The following ACSBG1 variants were observed in gnomAD, a reference collection of about 807,000 sequenced individuals.
ACSBG1 encodes the protein acyl-CoA synthetase bubblegum family member 1.
A neutral mutation model predicts 80.2 loss-of-function variants in ACSBG1; 39 were observed. The ratio of observed to expected loss-of-function variants is 0.49; its 90% confidence interval spans 0.38 to 0.64. The LOEUF (loss-of-function observed/expected upper bound fraction) is 0.64, where lower values mean the gene tolerates loss of function less well. ACSBG1 is among the 30% of genes least tolerant of loss of function. The pLI, the probability that ACSBG1 is intolerant of heterozygous loss-of-function variation, is 0.00. For synonymous variants in ACSBG1, 392 were observed against 379.5 expected (o/e 1.03, Z -0.38); for missense variants, 828 against 966.4 (o/e 0.86, Z 1.90).
intron 11 of ACSBG1, among the ~76,000 whole-genome samples, chr15:78,176,884 C>CG (rs2074887779): frequency 6.6e-6 from 1 of 151,898 alleles, no homozygotes. Context: ...TCCGAGATCA[C>CG]GCCAGTGCAC....
rs1238348953 is a variant in ACSBG1 at position 78,226,795 on chromosome 15, T to C, written c.131+7576A>G. On this transcript the variant is annotated intron_variant, in intron 1 of 13. Coordinates refer to ENST00000258873, the MANE Select transcript of ACSBG1 (RefSeq NM_015162.5). ...TAGAACACATAGAAAAATATATATA[T>C]ATATATAATATATATATATGACCTT... Among the ~76,000 whole-genome samples the C allele has an allele frequency of 2.1e-5, 3 of 144,014 alleles. No individual in the cohort carries two copies. In the East Asian group the frequency reaches 5.9e-4, roughly 28 times the overall value. The allele number at this position is 144,014 out of a possible 152,430, so 94.5% of individuals were successfully genotyped here.
At chr15:78,207,925 A>ACCCCCCCCCCCCCCCCC in intron 2 of ACSBG1, 77 bp downstream of exon 2, 35 of 454,966 alleles carry the variant, frequency 7.7e-5, no homozygotes, top group Middle Eastern at 5.9e-4. Context: ...GGTCCCCCAC[A>ACCCCCCCCCCCCCCCCC]CCACCCACCC....
At chr15:78,212,701 G>C in intron 1 of ACSBG1, 1 of 424,116 alleles carries the variant, frequency 2.4e-6, no homozygotes, top group Non-Finnish European at 4.8e-6. Flanking sequence ...AGCAGCCCCA[G>C]AGAGGCCCGG....
intron 2 of ACSBG1, among the ~76,000 whole-genome samples, chr15:78,206,580 C>T (rs2075216953): frequency 6.6e-6 from 1 of 152,330 alleles, no homozygotes; most frequent in East Asian, 1.9e-4. Context: ...ACCTCCCTTA[C>T]AGTTGCCCAC....
intron 1 of ACSBG1, among the ~76,000 whole-genome samples, chr15:78,211,442 T>C (rs1189093606): frequency 6.6e-6 from 1 of 152,240 alleles, no homozygotes; most frequent in Admixed American, 6.5e-5. Context: ...GCATTTTGAA[T>C]TCCCAGGAGG....
chr15:78,220,847 C>T (rs2075354317), intron 1 of ACSBG1, among the ~76,000 whole-genome samples: 1 of 152,114 alleles, frequency 6.6e-6, no homozygotes, highest in African/African-American at 2.4e-5. Context: ...AATTAGAAAC[C>T]TCCTATACTG....
intron 5 of ACSBG1, among the ~76,000 whole-genome samples, chr15:78,185,899 T>C (rs573802007): frequency 6.6e-6 from 1 of 151,868 alleles, no homozygotes; most frequent in South Asian, 2.1e-4. Context: ...AACCCATAAA[T>C]CTAAATCAGA....
intron 1 of ACSBG1, among the ~76,000 whole-genome samples, chr15:78,221,721 T>A (rs972666487): frequency 6.6e-6 from 1 of 152,146 alleles, no homozygotes; most frequent in Admixed American, 6.5e-5. Flanking sequence ...CAGGCTTTCT[T>A]GGGCAGAGGT....
Position 78,193,593 on chromosome 15 carries a change from G to A in ACSBG1, c.576C>T (p.Ser192=). ...AAGCGATGTACTGGCAGGCCTCTGG[G>A]GAGCTGGTGGTGTAGATGCCAGTGA... ...GIVTGIYTTS[S]PEACQYIAYD... Residue 192 remains serine (S), a synonymous_variant, in exon 5 of 14, where the codon TCC becomes TCT. Transcript: ENST00000258873. 1.2e-6 allele frequency: 2 copies of A among 1,613,882 alleles called. No individual in the cohort carries two copies. The highest frequency in any genetic ancestry group is 1.7e-6 in the Non-Finnish European group (2 of 1,179,840).
intron 1 of ACSBG1, chr15:78,226,315 T>A (rs1035887018): frequency 6.6e-6 from 1 of 152,158 alleles, no homozygotes; most frequent in Non-Finnish European, 1.5e-5. Context: ...GGGTAGATGA[T>A]TACACAAGAA....
At chr15:78,181,221 C>T (rs1413156854) in intron 8 of ACSBG1, 3 of 413,622 alleles carry the variant, frequency 7.3e-6, no homozygotes, top group African/African-American at 4.0e-5. Flanking sequence ...CACAAGAATC[C>T]CATTCCCCTC....
chr15:78,174,326 C>G, intron 12 of ACSBG1, 59 bp downstream of exon 12: 1 of 1,612,068 alleles, frequency 6.2e-7, no homozygotes, highest in Non-Finnish European at 8.5e-7. Context: ...CTTCTGCCAG[C>G]CAGACCCACA....
intron 1 of ACSBG1, among the ~76,000 whole-genome samples, chr15:78,209,577 A>G (rs1416865312): frequency 6.6e-6 from 1 of 152,164 alleles, no homozygotes; most frequent in Non-Finnish European, 1.5e-5. Flanking sequence ...AGCTGCCTCC[A>G]CTTTGGGCCG....
chr15:78,200,092 C>T (rs2075153074), intron 2 of ACSBG1, among the ~76,000 whole-genome samples: 1 of 152,138 alleles, frequency 6.6e-6, no homozygotes, highest in African/African-American at 2.4e-5. Context: ...GAATTCTTCA[C>T]CTAATTTCTC....
At chr15:78,179,479 C>T in intron 10 of ACSBG1, 71 bp downstream of exon 10, 1 of 1,429,904 alleles carries the variant, frequency 7.0e-7, no homozygotes. Context: ...CCCCAGGGCA[C>T]TCAGCAGGCG....
At chr15:78,203,416 A>G (rs1000242142) in intron 2 of ACSBG1, among the ~76,000 whole-genome samples, 1 of 152,242 alleles carries the variant, frequency 6.6e-6, no homozygotes, top group Non-Finnish European at 1.5e-5. Flanking sequence ...CCTGCTGCCA[A>G]TGCAGCACCA....
At chr15:78,173,305 A>G (rs1349880694) in intron 13 of ACSBG1, among the ~76,000 whole-genome samples, 2 of 120,828 alleles carry the variant, frequency 1.7e-5, no homozygotes, top group Non-Finnish European at 3.2e-5. Context: ...AGGTCGTGCC[A>G]TTGCTCTCTA....
chr15:78,224,974 A>T (rs1202556379), intron 1 of ACSBG1, among the ~76,000 whole-genome samples: 1 of 140,456 alleles, frequency 7.1e-6, no homozygotes, highest in East Asian at 2.2e-4. Context: ...TTGAACATAA[A>T]AGTCTTAGGG....
chr15:78,207,858 C>T (rs1287068997), intron 2 of ACSBG1, 144 bp downstream of exon 2: 7 of 675,606 alleles, frequency 1.0e-5, no homozygotes, highest in Admixed American at 8.9e-5. Context: ...GGTGGGGTCC[C>T]TGGGAGCGTG....
Sources: gnomAD v4.1 joint callset for allele counts (sites outside exome capture counted in the v4.1 genomes callset) on GRCh38, gnomAD v4.1.1 for gene constraint, MANE v1.5 for transcripts, NCBI Gene and HGNC (gene_info 2026-07-23, HGNC 2026-07-21) for gene names.